Variants in MCF2L observed in about 807,000 individuals in gnomAD.
The protein encoded by MCF2L is MCF.2 cell line derived transforming sequence like.
MCF2L carries 97 observed loss-of-function variants against 153.4 expected under a neutral mutation model. The observed-to-expected ratio is 0.63, with a 90% CI of 0.54 to 0.75. The LOEUF (loss-of-function observed/expected upper bound fraction) is 0.75. Among genes scored for constraint, MCF2L ranks in the 30% least tolerant of loss-of-function variants. The pLI, the probability that MCF2L is intolerant of heterozygous loss-of-function variation, is 0.00. For missense variants in MCF2L, 1,347 were observed against 1,495.2 expected (o/e 0.90, Z 1.64); for synonymous variants, 659 against 632.2 (o/e 1.04, Z -0.64).
In MCF2L at chr13:113,014,830, C is replaced by T. The variant is rs146679056; in HGVS notation, c.147C>T (p.Arg49=). The change falls in exon 2 of 30, where the codon CGC becomes CGT. Residue 49 remains arginine, a synonymous_variant. Coordinates refer to ENST00000535094, the MANE Select transcript of MCF2L (RefSeq NM_001112732.3). ...AADIQDQLKK[R]FAYLSGGRGQ... ...ACATCCAGGACCAGCTAAAGAAGCG[C>T]TTTGCTTACCTGTCCGGTGAGTTCC... The T allele has an allele frequency of 1.4e-4, 230 of 1,613,870 alleles. No individual in the cohort carries two copies. The highest frequency in any genetic ancestry group is 1.9e-5 in the Non-Finnish European group (23 of 1,180,026).
intron 1 of MCF2L, chr13:112,979,722 A>G: frequency 6.2e-7 from 1 of 1,612,528 alleles, no homozygotes; most frequent in Non-Finnish European, 8.5e-7. Context: ...GTCACTGCCC[A>G]GGAGGCGCCG....
At chr13:112,922,530 TA>T (rs767874814) in intron 2 of MCF2L, among the ~76,000 whole-genome samples, 4,152 of 137,068 alleles carry the variant, frequency 0.03, 126 homozygotes, top group African/African-American at 0.087. Context: ...TCACAACACA[TA>T]AAAAAAAAAA....
chr13:113,096,956 G>T lies in MCF2L; in HGVS notation c.*97G>T. On this transcript the variant is annotated 3_prime_UTR_variant, in exon 30 of 30. Transcript: ENST00000535094. The stretch of plus-strand genomic sequence containing the variant: ...CGCCCCGAGGAAGGGGCACCTCACC[G>T]CCCCCACCCAGAGCGCCTGGCCGTG... 5 of 899,018 alleles carry T rather than the reference G, an allele frequency of 5.6e-6. No homozygotes were observed. The highest frequency in any genetic ancestry group is 7.5e-6 in the Non-Finnish European group (5 of 666,274). 55.7% of individuals were successfully genotyped at this position (899,018 alleles called of 1,614,324 possible). A position where few individuals can be genotyped will look rare whatever the true frequency, so the allele number is the denominator to read the frequency against.
intron 1 of MCF2L, among the ~76,000 whole-genome samples, chr13:112,995,364 A>G (rs2083081496): frequency 6.6e-6 from 1 of 152,250 alleles, no homozygotes; most frequent in African/African-American, 2.4e-5. Flanking sequence ...AGCTTAGGGC[A>G]GCGCCCAGTA....
chr13:113,090,192 C>T, intron 26 of MCF2L: 1 of 1,505,472 alleles, frequency 6.6e-7, no homozygotes. Flanking sequence ...AACCCACCCT[C>T]ACCGTGGTGG....
chr13:112,984,827 G>C (rs575511198), intron 1 of MCF2L, among the ~76,000 whole-genome samples: 12 of 152,152 alleles, frequency 7.9e-5, no homozygotes, highest in Non-Finnish European at 1.6e-4. Flanking sequence ...GCAGGTCCCG[G>C]TGTCTCTGTG....
rs2081472014 is a variant in MCF2L, at chr13:112,932,260, T to C, written c.169+29889T>C. 6.6e-6 allele frequency among the ~76,000 whole-genome samples: 1 copy of C among 152,022 alleles called. No individual in the cohort carries two copies. The highest frequency in any genetic ancestry group is 1.5e-5 in the Non-Finnish European group (1 of 68,006). On this transcript the variant is annotated intron_variant, in intron 2 of 29. Transcript: ENST00000375608. The surrounding 1 kb of genome is among the most constrained non-coding windows in gnomAD (Gnocchi z 4.6). ...CCGGGATGGCACTTTACCTCTGTAG[T>C]CCTCCTCCCCAAGCACATCCTCCCC...
At chr13:113,029,899 C>T (rs749026066) in intron 3 of MCF2L, among the ~76,000 whole-genome samples, 6 of 152,240 alleles carry the variant, frequency 3.9e-5, no homozygotes, top group Admixed American at 6.5e-5. Context: ...ATTAAATGGA[C>T]AAATCTCTCG....
intron 2 of MCF2L, among the ~76,000 whole-genome samples, chr13:112,944,030 C>T (rs1224242531): frequency 7.7e-6 from 1 of 129,392 alleles, no homozygotes; most frequent in Non-Finnish European, 1.6e-5. Context: ...AGGGGAGGAT[C>T]CTAGGCCGTG....
In MCF2L at chr13:113,094,436, T is replaced by C. The variant is rs199589999; in HGVS notation, c.2954-78T>C. 6.9e-5 allele frequency: 102 copies of C among 1,482,094 alleles called. No individual in the cohort carries two copies. The Middle Eastern group carries it at 7.2e-4, about 10-fold the overall frequency. The allele number at this position is 1,482,094 out of a possible 1,614,324, so 91.8% of individuals were successfully genotyped here. Reference sequence around the variant, plus strand: ...ACACATTTCAGGGGGTCTGTGGGACTTAGCTGACCCCACCTCAGACAGATG... The same window carrying C: ...ACACATTTCAGGGGGTCTGTGGGACCTAGCTGACCCCACCTCAGACAGATG... On this transcript the variant is annotated intron_variant, in intron 26 of 29. Transcript: ENST00000535094.
chr13:113,041,497 G>A (rs970419310), intron 3 of MCF2L, among the ~76,000 whole-genome samples: 2 of 151,926 alleles, frequency 1.3e-5, no homozygotes, highest in African/African-American at 4.8e-5. Flanking sequence ...GGATCACGTG[G>A]CCCTGCCCCC....
rs1308390601 is a variant in MCF2L at position 113,027,654 on chromosome 13, A to T, written c.278+2896A>T. On this transcript the variant is annotated intron_variant, in intron 3 of 29. Transcript: ENST00000535094. This position sits in a 1 kb window ranked among gnomAD's most constrained non-coding sequence, Gnocchi z 4.8. ...AGCGGCCGAGCTCCCTGAGGGGCTG[A>T]TGGGACCGGCTTGGTGGGGCAAGGC... Among the ~76,000 whole-genome samples, 1 of 152,124 alleles carries T rather than the reference A, an allele frequency of 6.6e-6. No homozygotes were observed. The highest frequency in any genetic ancestry group is 1.5e-5 in the Non-Finnish European group (1 of 68,002).
intron 26 of MCF2L, among the ~76,000 whole-genome samples, chr13:113,091,466 G>A (rs1015660242): frequency 3.9e-5 from 6 of 152,330 alleles, no homozygotes; most frequent in Non-Finnish European, 5.9e-5. Context: ...CGGCTGCTGC[G>A]CTGGTCACCT....
chr13:112,933,394 C>T (rs1230830024), intron 2 of MCF2L, among the ~76,000 whole-genome samples: 1 of 152,250 alleles, frequency 6.6e-6, no homozygotes, highest in Non-Finnish European at 1.5e-5. Context: ...CTCTCCCAGC[C>T]CTGGCTCTAG....
intron 2 of MCF2L, among the ~76,000 whole-genome samples, chr13:113,023,054 A>G (rs1313719367): frequency 2.0e-5 from 3 of 152,238 alleles, no homozygotes; most frequent in African/African-American, 7.2e-5. Context: ...CAGACCCTGC[A>G]GCCGCCTTCC....
chr13:113,091,891 C>T (rs553627257), intron 26 of MCF2L, among the ~76,000 whole-genome samples: 4 of 152,320 alleles, frequency 2.6e-5, no homozygotes, highest in African/African-American at 7.2e-5. Flanking sequence ...TAAGCAGAAC[C>T]AGCCTTCCCA....
Position 112,940,447 on chromosome 13 carries a change from C to T in MCF2L, c.169+38076C>T, listed in dbSNP as rs74398693. 5.7e-3 allele frequency among the ~76,000 whole-genome samples: 871 copies of T among 152,306 alleles called. 8 individuals carry two copies. Among genetic ancestry groups the T allele is most frequent in the African/African-American group, 0.02 (819 of 41,570 alleles). On this transcript the variant is annotated intron_variant, in intron 2 of 29. Transcript: ENST00000375608. Reference sequence around the variant, plus strand: ...GATGGCCTTGTGGGCAGTCACTTCCCGTGGTCGGGTGGGGCGGGGAAGGCC... The same window carrying T: ...GATGGCCTTGTGGGCAGTCACTTCCTGTGGTCGGGTGGGGCGGGGAAGGCC...
chr13:113,014,465 C>A (rs923356256), intron 1 of MCF2L, among the ~76,000 whole-genome samples: 1 of 152,196 alleles, frequency 6.6e-6, no homozygotes, highest in South Asian at 2.1e-4. Flanking sequence ...TGCTCCCCTG[C>A]CTCCCCTCTG....
chr13:112,895,832 C>T (rs1461516702), intron 1 of MCF2L, among the ~76,000 whole-genome samples: 6 of 151,796 alleles, frequency 4.0e-5, no homozygotes, highest in African/African-American at 1.5e-4. Flanking sequence ...GGGGCCCAGG[C>T]GTCCCCGATT....
Sources: allele counts gnomAD v4.1 joint callset (sites outside exome capture counted in the v4.1 genomes callset), GRCh38; gene constraint gnomAD v4.1.1; non-coding constraint Gnocchi (gnomAD v3.1); transcripts MANE v1.5; gene names NCBI Gene and HGNC (gene_info 2026-07-23, HGNC 2026-07-21).